The following TBC1D4 variants were observed in gnomAD, a reference collection of about 807,000 sequenced individuals.
The protein encoded by TBC1D4 is TBC (Tre-2, BUB2, CDC16) domain-containing protein.
Under a neutral mutation model 142.5 loss-of-function variants are expected in TBC1D4, and 121 were observed. That is an observed-to-expected ratio of 0.85 (90% CI 0.73 to 0.99). The LOEUF is 0.99. TBC1D4 is among the 50% of genes least tolerant of loss of function. TBC1D4 has a pLI of 0.00. For missense variants in TBC1D4, 1,475 were observed against 1,606.6 expected (o/e 0.92, Z 1.40); for synonymous variants, 630 against 628.2 (o/e 1.00, Z -0.04).
Position 75,286,686 on chromosome 13 carries a change from G to C in TBC1D4, c.*106C>G. 1.8e-6 allele frequency: 2 copies of C among 1,113,804 alleles called. No homozygotes were observed. The highest frequency in any genetic ancestry group is 2.7e-6 in the Non-Finnish European group (2 of 749,902). The allele number at this position is 1,113,804 out of a possible 1,614,324, so 69.0% of individuals were successfully genotyped here. A position where few individuals can be genotyped will look rare whatever the true frequency, so the allele number is the denominator to read the frequency against. On this transcript the variant is annotated 3_prime_UTR_variant, in exon 21 of 21. Coordinates refer to ENST00000377636, the MANE Select transcript of TBC1D4 (RefSeq NM_014832.5). ...GACTAGGCGCTCAGCACCAGTATTA[G>C]GTGGTTCCATCAGCTTCAGGGTCCA...
chr13:75,299,849 T>C (rs1023061721), intron 16 of TBC1D4, among the ~76,000 whole-genome samples: 86 of 94,582 alleles, frequency 9.1e-4, no homozygotes, highest in African/African-American at 1.4e-3. Flanking sequence ...AAAAAAAAAA[T>C]ACAATAAAAA....
In TBC1D4 at chr13:75,341,003, G is replaced by A. The variant is rs1461230058; in HGVS notation, c.1611+122C>T. On this transcript the variant is annotated intron_variant, in intron 7 of 20. Coordinates refer to ENST00000377636, the MANE Select transcript of TBC1D4 (RefSeq NM_014832.5). ...ATTAAAATGCTGGGCGGGGGAGTGA[G>A]GGGGTAGTTCAGGAAACTCTGATAG... The A allele has an allele frequency of 3.7e-6, 3 of 820,212 alleles. No individual in the cohort carries two copies. The East Asian group carries it at 7.6e-5, about 21-fold the overall frequency. The allele number at this position is 820,212 out of a possible 1,614,324, so 50.8% of individuals were successfully genotyped here. A position where few individuals can be genotyped will look rare whatever the true frequency, so the allele number is the denominator to read the frequency against.
chr13:75,288,480 T>C (rs1033373473), intron 20 of TBC1D4, among the ~76,000 whole-genome samples: 2 of 152,102 alleles, frequency 1.3e-5, no homozygotes, highest in African/African-American at 4.8e-5. Context: ...CCAACCTCTA[T>C]CTTAAATTGA....
At chr13:75,435,251 C>A (rs911968244) in intron 1 of TBC1D4, among the ~76,000 whole-genome samples, 51 of 151,340 alleles carry the variant, frequency 3.4e-4, no homozygotes, top group Non-Finnish European at 6.3e-4. Context: ...GAAAAAATAT[C>A]CCAGGAATCG....
chr13:75,321,964 A>G (rs1428808344), intron 11 of TBC1D4, among the ~76,000 whole-genome samples: 1 of 152,258 alleles, frequency 6.6e-6, no homozygotes, highest in East Asian at 1.9e-4. Context: ...CCATTTATAC[A>G]AAGTTCAAAG....
intron 1 of TBC1D4, among the ~76,000 whole-genome samples, chr13:75,478,519 ACT>A (rs1888708206): frequency 6.6e-6 from 1 of 152,114 alleles, no homozygotes; most frequent in Non-Finnish European, 1.5e-5. Context: ...CACTTAGGAG[ACT>A]CTCTTAACAA....
intron 2 of TBC1D4, 125 bp downstream of exon 2, chr13:75,361,901 A>C (rs1160934355): frequency 4.2e-6 from 5 of 1,181,684 alleles, no homozygotes; most frequent in Non-Finnish European, 6.1e-6. Context: ...TCTGCTTTGA[A>C]GGGGAAAACA....
chr13:75,410,139 A>G (rs1885567791), intron 1 of TBC1D4, among the ~76,000 whole-genome samples: 1 of 152,350 alleles, frequency 6.6e-6, no homozygotes, highest in Middle Eastern at 3.4e-3. Flanking sequence ...GTGTATGCTC[A>G]TGATAATCAC....
chr13:75,324,251 A>C lies in TBC1D4; in HGVS notation c.2184T>G (p.Tyr728Ter), dbSNP rs1566378624. Residue 728 changes from tyrosine to a stop codon, truncating the protein, a stop_gained, in exon 11 of 21, where the codon TAT (tyrosine) becomes TAG (stop). Transcript: ENST00000377636. LOFTEE classifies it high-confidence loss of function. ...ACTGATCTCACCTGATTTCATTTTC[A>C]TACTGTGGGGACAGTCTACCTGAAT... is the stretch of plus-strand genomic sequence containing the variant. ...YQNSGRLSPQ[Y>*]ENEIRQDTAS... is the part of the protein sequence containing the mutation. The C allele has an allele frequency of 1.2e-6, 2 of 1,613,934 alleles. No homozygotes were observed. The highest frequency in any genetic ancestry group is 1.3e-5 in the African/African-American group (1 of 75,060).
intron 4 of TBC1D4, among the ~76,000 whole-genome samples, chr13:75,354,266 C>T (rs1881855517): frequency 6.6e-6 from 1 of 152,186 alleles, no homozygotes; most frequent in Non-Finnish European, 1.5e-5. Flanking sequence ...GTGAGGCATA[C>T]ACCAGGTTCC....
chr13:75,446,101 GAGAC>G (rs1367357824), intron 1 of TBC1D4, among the ~76,000 whole-genome samples: 18 of 152,184 alleles, frequency 1.2e-4, no homozygotes, highest in African/African-American at 4.3e-4. Context: ...AGTAGCAGGG[GAGAC>G]AGACAGTTCA....
chr13:75,324,171 T>G, intron 11 of TBC1D4, 66 bp downstream of exon 11: 1 of 1,588,322 alleles, frequency 6.3e-7, no homozygotes, highest in South Asian at 1.1e-5. Flanking sequence ...TCAACCACTT[T>G]TTAGTAACAT....
intron 1 of TBC1D4, among the ~76,000 whole-genome samples, chr13:75,469,522 GC>G (rs1888309938): frequency 6.6e-6 from 1 of 152,140 alleles, no homozygotes; most frequent in African/African-American, 2.4e-5. Flanking sequence ...TGTAATCCCA[GC>G]ACTTTAGGGG....
At chr13:75,464,420 A>G (rs961318082) in intron 1 of TBC1D4, among the ~76,000 whole-genome samples, 13 of 152,240 alleles carry the variant, frequency 8.5e-5, no homozygotes, top group Admixed American at 4.6e-4. Flanking sequence ...CCTGCTGCAG[A>G]TAACTAGCCA....
At chr13:75,323,594 G>A (rs1011071532) in intron 11 of TBC1D4, among the ~76,000 whole-genome samples, 14 of 151,956 alleles carry the variant, frequency 9.2e-5, no homozygotes, top group Non-Finnish European at 1.5e-5. Context: ...TCCATACTGG[G>A]GATAAAAACA....
At chr13:75,296,411 T>C (rs894695090) in intron 17 of TBC1D4, among the ~76,000 whole-genome samples, 5 of 152,226 alleles carry the variant, frequency 3.3e-5, no homozygotes, top group Non-Finnish European at 7.3e-5. Flanking sequence ...TCTTGTTCAC[T>C]TGTGATTATA....
chr13:75,310,274 G>T, intron 13 of TBC1D4, 123 bp from the exon 14 acceptor site: 3 of 976,154 alleles, frequency 3.1e-6, no homozygotes, highest in Non-Finnish European at 4.8e-6. Flanking sequence ...CGCTTTCCCT[G>T]TAACTTAGTT....
chr13:75,403,043 A>T (rs956903212), intron 1 of TBC1D4, among the ~76,000 whole-genome samples: 2 of 152,188 alleles, frequency 1.3e-5, no homozygotes, highest in Non-Finnish European at 2.9e-5. Context: ...AAGAACATGC[A>T]GCCCCCGTGC....
chr13:75,340,614 A>G (rs1479378859), intron 7 of TBC1D4, among the ~76,000 whole-genome samples: 1 of 152,224 alleles, frequency 6.6e-6, no homozygotes, highest in Non-Finnish European at 1.5e-5. Context: ...TTTTAAGACC[A>G]TCATTAGTTT....
Sources: gnomAD v4.1 joint callset for allele counts (sites outside exome capture counted in the v4.1 genomes callset) on GRCh38, gnomAD v4.1.1 for gene constraint, MANE v1.5 for transcripts, NCBI Gene and HGNC (gene_info 2026-07-23, HGNC 2026-07-21) for gene names.